GPR132: variants seen among roughly 807,000 people sequenced by gnomAD.
The protein encoded by GPR132 is G protein-coupled receptor 132.
A neutral mutation model predicts 1.9 loss-of-function variants in GPR132; 4 were observed. That is an observed-to-expected ratio of 2.13 (90% confidence interval 1.05 to 4.87). The LOEUF is 4.87. Ranked by LOEUF, GPR132 falls within the 30% of genes most tolerant of loss-of-function variation. GPR132 has a pLI of 0.01. For missense variants in GPR132, 404 were observed against 512.5 expected (o/e 0.79, Z 2.04); for synonymous variants, 233 against 234.2 (o/e 0.99, Z 0.05).
Position 105,051,345 on chromosome 14 carries a change from G to A in GPR132, c.792C>T (p.Val264=). 6.2e-7 allele frequency: 1 copy of A among 1,614,022 alleles called. No homozygotes were observed. Among genetic ancestry groups the A allele is most frequent in the Non-Finnish European group, 8.5e-7 (1 of 1,179,852 alleles). ...CFAPYHLVLL[V]KAAAFSYYRG... is the part of the protein sequence containing the mutation. ...TGTAGTAGGAAAAGGCAGCGGCTTT[G>A]ACGAGGAGAACCAGGTGGTACGGGG... The change falls in exon 4 of 4, where the codon GTC becomes GTT. Residue 264 remains valine (V), a synonymous_variant. Transcript: ENST00000329797. The surrounding 1 kb of genome is among the most constrained non-coding windows in gnomAD (Gnocchi z 8.0).
Position 105,057,535 on chromosome 14 carries a change from T to C in GPR132, c.-860-255A>G, listed in dbSNP as rs1054509000. The C allele has an allele frequency of 1.2e-3, 194 of 159,818 alleles. 2 individuals are homozygous for C. Among genetic ancestry groups the C allele is most frequent in the African/African-American group, 3.9e-3 (123 of 31,470 alleles). 9.9% of individuals were successfully genotyped at this position (159,818 alleles called of 1,614,324 possible). A position where few individuals can be genotyped will look rare whatever the true frequency, so the allele number is the denominator to read the frequency against. On this transcript the variant is annotated intron_variant, in intron 1 of 3. Transcript: ENST00000329797. ...TCTTTTTTTTTTTTTTTTTTTTTTTTCTTGAGATGGAGTCTTGCTCTGTCG... is the reference window on the plus strand; with the variant it reads ...TCTTTTTTTTTTTTTTTTTTTTTTTCCTTGAGATGGAGTCTTGCTCTGTCG...
chr14:105,052,196 G>T, intron 3 of GPR132, 94 bp from the exon 4 acceptor site: 1 of 1,032,150 alleles, frequency 9.7e-7, no homozygotes, highest in Non-Finnish European at 1.4e-6. Flanking sequence ...CTTTGTGGTA[G>T]CTCAGACTAG....
At position 105,060,090 on chromosome 14, in the gene GPR132, C is replaced by T. The variant is rs1413913787; in HGVS notation, c.-860-2810G>A. On this transcript the variant is annotated intron_variant, in intron 1 of 3. Transcript: ENST00000329797. This position sits in a 1 kb window ranked among gnomAD's most constrained non-coding sequence, Gnocchi z 6.3. Reference sequence around the variant, plus strand: ...ATGCACTGCTCCCTGCATCTCGGGCCAGCCCCCTGAGTGGAGATGGTGGGG... The same window carrying T: ...ATGCACTGCTCCCTGCATCTCGGGCTAGCCCCCTGAGTGGAGATGGTGGGG... Among the ~76,000 whole-genome samples, 2 of 152,228 alleles carry T rather than the reference C, an allele frequency of 1.3e-5. No homozygotes were observed. The highest frequency in any genetic ancestry group is 4.8e-5 in the African/African-American group (2 of 41,464).
chr14:105,063,841 CTTTCT>C (rs1429070231), intron 1 of GPR132, among the ~76,000 whole-genome samples: 4 of 107,622 alleles, frequency 3.7e-5, no homozygotes, highest in Non-Finnish European at 9.7e-5. Flanking sequence ...TAATTTCTTT[CTTTCT>C]TTTTTTTTTT....
In GPR132 at chr14:105,052,061, G is replaced by A; in HGVS notation, c.76C>T (p.Leu26=). The A allele has an allele frequency of 1.2e-6, 2 of 1,600,426 alleles. No homozygotes were observed. Among genetic ancestry groups the A allele is most frequent in the Non-Finnish European group, 1.7e-6 (2 of 1,176,954 alleles). ...TTGCAGGTCTTGGCGGAGAGGCCCA[G>A]GGAGGCCCACGGGGCAGTGGTGGTC... ...PVTTTAPWAS[L]GLSAKTCNNV... The change falls in exon 4 of 4, where the codon CTG becomes TTG. Residue 26 remains leucine, a synonymous_variant. Coordinates refer to ENST00000329797, the MANE Select transcript of GPR132 (RefSeq NM_013345.4).
rs769671782 is a variant in GPR132 at position 105,051,662 on chromosome 14, C to T, written c.475G>A (p.Ala159Thr). ...AAGATGCAGGCGGAGATGAGGATGG[C>T]GGTCCTCCGGCGGCGGCGGCCCCGA... ...ESRGRRRRRT[A>T]ILISACIFIL... The change falls in exon 4 of 4, where the codon GCC (alanine) becomes ACC (threonine). Residue 159 changes from alanine (A) to threonine (T), a missense_variant. By Grantham distance (58) the Ala-to-Thr change is moderately conservative. Transcript: ENST00000329797. The surrounding 1 kb of genome is among the most constrained non-coding windows in gnomAD (Gnocchi z 8.0). 6.2e-6 allele frequency: 10 copies of T among 1,613,718 alleles called. No homozygotes were observed. Among genetic ancestry groups the T allele is most frequent in the East Asian group, 4.5e-5 (2 of 44,886 alleles).
Position 105,058,282 on chromosome 14 carries a change from G to A in GPR132, c.-860-1002C>T, listed in dbSNP as rs1381558576. On this transcript the variant is annotated intron_variant, in intron 1 of 3. Transcript: ENST00000329797. ...AGGCTGAGTTGGGAGGATCGCTTGA[G>A]CCCAGGAGGTAGGGGTTGCAGTGAG... Among the ~76,000 whole-genome samples, 10 of 152,224 alleles carry A rather than the reference G, an allele frequency of 6.6e-5. No homozygotes were observed. The East Asian group carries it at 1.7e-3, about 26-fold the overall frequency.
chr14:105,053,937 A>C, intron 3 of GPR132: 1 of 1,170,818 alleles, frequency 8.5e-7, no homozygotes, highest in Non-Finnish European at 1.1e-6. Flanking sequence ...ACCTGCCTCA[A>C]ACACAGCTCT....
chr14:105,058,391 A>C (rs1452461420), intron 1 of GPR132, among the ~76,000 whole-genome samples: 1 of 152,168 alleles, frequency 6.6e-6, no homozygotes, highest in Non-Finnish European at 1.5e-5. Context: ...AAATCTGAAA[A>C]ATGTTCAACT....
chr14:105,049,809 AAAAC>A lies in GPR132; in HGVS notation c.*1181_*1184del, dbSNP rs1211628198. 2 of 152,376 alleles carry A rather than the reference AAAAC, an allele frequency of 1.3e-5. No individual in the cohort carries two copies. 9.4% of individuals were successfully genotyped at this position (152,376 alleles called of 1,614,324 possible). ...AAAATAAATATTAAAAACAAAAACA[AAAAC>A]AAAACAAAAACAAGGAAGAGCAACT... On this transcript the variant is annotated 3_prime_UTR_variant, in exon 4 of 4. Coordinates refer to ENST00000329797, the MANE Select transcript of GPR132 (RefSeq NM_013345.4).
rs770914241 is a variant in GPR132 at position 105,051,348 on chromosome 14, G to A, written c.789C>T (p.Leu263=). ...VCFAPYHLVL[L]VKAAAFSYYR... Reference sequence around the variant, plus strand: ...AGTAGGAAAAGGCAGCGGCTTTGACGAGGAGAACCAGGTGGTACGGGGCGA... The same window carrying A: ...AGTAGGAAAAGGCAGCGGCTTTGACAAGGAGAACCAGGTGGTACGGGGCGA... The change falls in exon 4 of 4, where the codon CTC becomes CTT. Residue 263 remains leucine (L), a synonymous_variant. Coordinates refer to ENST00000329797, the MANE Select transcript of GPR132 (RefSeq NM_013345.4). The surrounding 1 kb of genome is among the most constrained non-coding windows in gnomAD (Gnocchi z 8.0). 124 of 1,613,886 alleles carry A rather than the reference G, an allele frequency of 7.7e-5. No individual in the cohort carries two copies. The highest frequency in any genetic ancestry group is 9.2e-5 in the Non-Finnish European group (108 of 1,179,850).
At position 105,059,878 on chromosome 14, in the gene GPR132, G is replaced by A. The variant is rs1304181242; in HGVS notation, c.-860-2598C>T. 6.6e-6 allele frequency among the ~76,000 whole-genome samples: 1 copy of A among 152,250 alleles called. No homozygotes were observed. The highest frequency in any genetic ancestry group is 1.5e-5 in the Non-Finnish European group (1 of 68,046). On this transcript the variant is annotated intron_variant, in intron 1 of 3. Coordinates refer to ENST00000329797, the MANE Select transcript of GPR132 (RefSeq NM_013345.4). The surrounding 1 kb of genome is among the most constrained non-coding windows in gnomAD (Gnocchi z 4.2). ...CAATGTTCTCCTGAGATTACAGGAA[G>A]CTTGTTAACTTATGGAGAATTTTAA... is the stretch of plus-strand genomic sequence containing the variant.
intron 3 of GPR132, chr14:105,054,231 A>T (rs1886725794): frequency 1.7e-6 from 2 of 1,184,934 alleles, no homozygotes; most frequent in South Asian, 1.5e-5. Context: ...GGCAAACTTC[A>T]GCTGTGCCCT....
intron 2 of GPR132, 25 bp downstream of exon 2, chr14:105,057,142 T>C (rs1279742305): frequency 1.3e-6 from 2 of 1,525,116 alleles, no homozygotes; most frequent in Non-Finnish European, 8.8e-7. Flanking sequence ...TCTTACATGT[T>C]CAAAGTCGGA....
chr14:105,061,006 C>T (rs747612533), intron 1 of GPR132, among the ~76,000 whole-genome samples: 2 of 152,266 alleles, frequency 1.3e-5, no homozygotes, highest in Non-Finnish European at 2.9e-5. Flanking sequence ...TGGTCCCATG[C>T]GGCCCATGCA....
chr14:105,060,057 G>A lies in GPR132; in HGVS notation c.-860-2777C>T, dbSNP rs1169530823. On this transcript the variant is annotated intron_variant, in intron 1 of 3. Transcript: ENST00000329797. The surrounding 1 kb of genome is among the most constrained non-coding windows in gnomAD (Gnocchi z 6.3). ...TCTGCCACCACCCTGCCACTGGCTG[G>A]AGTAAGTATGCACTGCTCCCTGCAT... is the stretch of plus-strand genomic sequence containing the variant. 6.6e-6 allele frequency among the ~76,000 whole-genome samples: 1 copy of A among 152,240 alleles called. No individual in the cohort carries two copies. The highest frequency in any genetic ancestry group is 6.5e-5 in the Admixed American group (1 of 15,286).
Position 105,051,656 on chromosome 14 carries a change from G to C in GPR132, c.481C>G (p.Leu161Val). The C allele has an allele frequency of 6.2e-7, 1 of 1,613,902 alleles. No homozygotes were observed. ...RGRRRRRTAI[L>V]ISACIFILVG... Reference sequence around the variant, plus strand: ...AGGATGAAGATGCAGGCGGAGATGAGGATGGCGGTCCTCCGGCGGCGGCGG... The same window carrying C: ...AGGATGAAGATGCAGGCGGAGATGACGATGGCGGTCCTCCGGCGGCGGCGG... Residue 161 changes from leucine (L) to valine (V), a missense_variant, in exon 4 of 4, where the codon CTC (leucine) becomes GTC (valine). By Grantham distance (32) the Leu-to-Val change is conservative. Coordinates refer to ENST00000329797, the MANE Select transcript of GPR132 (RefSeq NM_013345.4). This position sits in a 1 kb window ranked among gnomAD's most constrained non-coding sequence, Gnocchi z 8.0.
rs1253484461 is a variant in GPR132 at position 105,056,436 on chromosome 14, G to T, written c.-746-270C>A. 1.3e-5 allele frequency among the ~76,000 whole-genome samples: 2 copies of T among 152,158 alleles called. No homozygotes were observed. The highest frequency in any genetic ancestry group is 2.9e-5 in the Non-Finnish European group (2 of 68,026). ...CCCGTCTCTTTCATGACAATCACAG[G>T]CCCTGGGAGGCAGAGCCAGAATCCA... On this transcript the variant is annotated intron_variant, in intron 2 of 3. Coordinates refer to ENST00000329797, the MANE Select transcript of GPR132 (RefSeq NM_013345.4). The surrounding 1 kb of genome is among the most constrained non-coding windows in gnomAD (Gnocchi z 6.0).
intron 1 of GPR132, among the ~76,000 whole-genome samples, chr14:105,062,545 T>C (rs576907994): frequency 1.9e-4 from 28 of 146,636 alleles, no homozygotes; most frequent in Admixed American, 4.7e-4. Flanking sequence ...CTTTTCTTTT[T>C]TTTTTTTTTT....
Sources: allele counts gnomAD v4.1 joint callset (sites outside exome capture counted in the v4.1 genomes callset), GRCh38; gene constraint gnomAD v4.1.1; non-coding constraint Gnocchi (gnomAD v3.1); transcripts MANE v1.5; gene names NCBI Gene and HGNC (gene_info 2026-07-23, HGNC 2026-07-21).